MMEL1: variants seen among roughly 807,000 people sequenced by gnomAD.
The protein encoded by MMEL1 is membrane metalloendopeptidase like 1.
A neutral mutation model predicts 117.1 loss-of-function variants in MMEL1; 98 were observed. That is an observed-to-expected ratio of 0.84 (90% CI 0.71 to 0.99). The LOEUF (loss-of-function observed/expected upper bound fraction) is 0.99. Ranked by LOEUF, MMEL1 falls within the 50% of genes least tolerant of loss-of-function variation. The pLI is 0.00. For synonymous variants in MMEL1, 390 were observed against 415.1 expected (o/e 0.94, Z 0.74); for missense variants, 1,014 against 1,049.1 (o/e 0.97, Z 0.46).
chr1:2,624,040 T>C (rs1330285584), intron 2 of MMEL1, among the ~76,000 whole-genome samples: 1 of 152,108 alleles, frequency 6.6e-6, no homozygotes, highest in African/African-American at 2.4e-5. Flanking sequence ...TTGGTTGACA[T>C]GGGGATGTGG....
intron 1 of MMEL1, among the ~76,000 whole-genome samples, chr1:2,630,771 T>G (rs962278165): frequency 2.1e-5 from 3 of 144,476 alleles, no homozygotes; most frequent in African/African-American, 7.8e-5. Context: ...ATTATGTGGA[T>G]ATGCACGTGT....
intron 2 of MMEL1, among the ~76,000 whole-genome samples, chr1:2,615,995 T>C (rs1461826030): frequency 6.6e-6 from 1 of 152,148 alleles, no homozygotes; most frequent in African/African-American, 2.4e-5. Flanking sequence ...TGTGGAGGAC[T>C]AAAGATAAAG....
chr1:2,592,095 G>A lies in MMEL1; in HGVS notation c.2068-68C>T. 3 of 1,357,122 alleles carry A rather than the reference G, an allele frequency of 2.2e-6. No homozygotes were observed. The South Asian group carries it at 3.6e-5, about 16-fold the overall frequency. The allele number at this position is 1,357,122 out of a possible 1,614,324, so 84.1% of individuals were successfully genotyped here. A position where few individuals can be genotyped will look rare whatever the true frequency, so the allele number is the denominator to read the frequency against. ...GGACTCCAGAACCCTCAGATCTCAG[G>A]GCAGAGCAGAGGTCTGGCTCCAGGA... On this transcript the variant is annotated intron_variant, in intron 21 of 23. Coordinates refer to ENST00000378412, the MANE Select transcript of MMEL1 (RefSeq NM_033467.4).
Position 2,606,240 on chromosome 1 carries a change from G to A in MMEL1, c.750+8C>T. The A allele has an allele frequency of 6.2e-7, 1 of 1,610,214 alleles. No homozygotes were observed. Among genetic ancestry groups the A allele is most frequent in the African/African-American group, 1.3e-5 (1 of 74,992 alleles). On this transcript the variant is annotated splice_region_variant and intron_variant, in intron 8 of 23. Coordinates refer to ENST00000378412, the MANE Select transcript of MMEL1 (RefSeq NM_033467.4). ...CTGCCTACCCCTGCCCACCGGCGCG[G>A]CTCGTACGTAGATGATGTGCCGGCT...
chr1:2,612,277 G>A lies in MMEL1; in HGVS notation c.155-73C>T. On this transcript the variant is annotated intron_variant, in intron 2 of 23. Transcript: ENST00000378412. This position sits in a 1 kb window ranked among gnomAD's most constrained non-coding sequence, Gnocchi z 5.4. ...CTGGGGGTGCTGGGGGCCTCCCTGG[G>A]TCAGCACGCCATCTTCCCACAGTGC... 1 of 1,289,128 alleles carries A rather than the reference G, an allele frequency of 7.8e-7. No individual in the cohort carries two copies. The highest frequency in any genetic ancestry group is 2.5e-5 in the East Asian group (1 of 39,768). The allele number at this position is 1,289,128 out of a possible 1,614,324, so 79.9% of individuals were successfully genotyped here. A position where few individuals can be genotyped will look rare whatever the true frequency, so the allele number is the denominator to read the frequency against.
intron 22 of MMEL1, 128 bp from the exon 23 acceptor site, chr1:2,591,761 C>A: frequency 9.7e-7 from 1 of 1,033,346 alleles, no homozygotes; most frequent in Non-Finnish European, 1.5e-6. Flanking sequence ...AGGTGCTCCC[C>A]TCCTCCCATC....
intron 4 of MMEL1, among the ~76,000 whole-genome samples, chr1:2,610,783 T>C (rs1645112925): frequency 6.6e-6 from 1 of 152,150 alleles, no homozygotes; most frequent in Non-Finnish European, 1.5e-5. Context: ...CCACTCCACC[T>C]CTGGGGCTGG....
At chr1:2,594,106 G>T in intron 18 of MMEL1, 173 bp from the exon 19 acceptor site, 2 of 945,892 alleles carry the variant, frequency 2.1e-6, no homozygotes, top group Non-Finnish European at 1.5e-6. Context: ...GGCTGGGCGG[G>T]CTCGTGCCTG....
intron 6 of MMEL1, among the ~76,000 whole-genome samples, chr1:2,608,809 CAT>C (rs1475428057): frequency 6.6e-6 from 1 of 151,894 alleles, no homozygotes; most frequent in East Asian, 1.9e-4. Context: ...TACATATACA[CAT>C]ATACATAACA....
Position 2,592,024 on chromosome 1 carries a change from A to T in MMEL1, c.2071T>A (p.Tyr691Asn). ...CCACCCTCTGCCATCCACTTGAGGTAGGCCTGCAGGCACCAGACAGGAGCT... is the reference window on the plus strand; with the variant it reads ...CCACCCTCTGCCATCCACTTGAGGTTGGCCTGCAGGCACCAGACAGGAGCT... ...NGGVRQAYKA[Y>N]LKWMAEGGKD... The change falls in exon 22 of 24, where the codon TAC becomes AAC. Residue 691 changes from tyrosine (Y) to asparagine (N), a missense_variant. Coordinates refer to ENST00000378412, the MANE Select transcript of MMEL1 (RefSeq NM_033467.4). 2 of 1,612,596 alleles carry T rather than the reference A, an allele frequency of 1.2e-6. No individual in the cohort carries two copies. The highest frequency in any genetic ancestry group is 1.7e-6 in the Non-Finnish European group (2 of 1,179,300).
chr1:2,620,956 T>C (rs893277064), intron 2 of MMEL1, among the ~76,000 whole-genome samples: 2 of 152,122 alleles, frequency 1.3e-5, no homozygotes, highest in African/African-American at 4.8e-5. Flanking sequence ...CCTCTTCCCA[T>C]TGGAATTCAG....
At chr1:2,596,839 C>T (rs2100931572) in intron 13 of MMEL1, 150 bp from the exon 14 acceptor site, 1 of 839,632 alleles carries the variant, frequency 1.2e-6, no homozygotes. Context: ...ATCTCAGCCT[C>T]ACCTCTGGGT....
At chr1:2,614,968 C>A (rs2100953964) in intron 2 of MMEL1, among the ~76,000 whole-genome samples, 1 of 152,152 alleles carries the variant, frequency 6.6e-6, no homozygotes, top group East Asian at 1.9e-4. Flanking sequence ...AAGCAACTGA[C>A]AACTCCCAAT....
chr1:2,606,335 C>A lies in MMEL1; in HGVS notation c.663G>T (p.Ala221=). The change falls in exon 8 of 24, where the codon GCG becomes GCT. Residue 221 remains alanine, a synonymous_variant. Coordinates refer to ENST00000378412, the MANE Select transcript of MMEL1 (RefSeq NM_033467.4). ...GLEWELERQL[A]LMNSQFNRRV... ...GCCTGTTGAACTGTGAGTTCATCAG[C>A]GCCAGCTGCCGCTCCAGCTCCCACT... is the stretch of plus-strand genomic sequence containing the variant. The A allele has an allele frequency of 6.2e-7, 1 of 1,610,994 alleles. No individual in the cohort carries two copies. Among genetic ancestry groups the A allele is most frequent in the Non-Finnish European group, 8.5e-7 (1 of 1,179,478 alleles).
intron 7 of MMEL1, 97 bp downstream of exon 7, chr1:2,606,877 G>A (rs1393645338): frequency 4.5e-6 from 5 of 1,113,612 alleles, no homozygotes; most frequent in Non-Finnish European, 6.6e-6. Context: ...GCTGGGGGTG[G>A]GGGTGGGGTC....
intron 7 of MMEL1, 34 bp downstream of exon 7, chr1:2,606,936 TTGTC>T: frequency 1.3e-6 from 2 of 1,575,016 alleles, no homozygotes; most frequent in Non-Finnish European, 1.7e-6. Flanking sequence ...TGGTCCTCCT[TTGTC>T]TGTCTGTGAG....
chr1:2,606,845 T>C (rs889884965), intron 7 of MMEL1, 129 bp downstream of exon 7: 17 of 844,354 alleles, frequency 2.0e-5, no homozygotes, highest in Non-Finnish European at 2.7e-5. Context: ...GTTGGGCCTC[T>C]TGGGGCTCCT....
chr1:2,609,949 C>T (rs923285677), intron 4 of MMEL1, 118 bp from the exon 5 acceptor site: 5 of 1,119,312 alleles, frequency 4.5e-6, no homozygotes, highest in African/African-American at 3.2e-5. Flanking sequence ...GGCTGCTGTC[C>T]ATCCAGTCGC....
At position 2,598,236 on chromosome 1, in the gene MMEL1, A is replaced by G; in HGVS notation, c.1243T>C (p.Phe415Leu). The G allele has an allele frequency of 6.2e-7, 1 of 1,613,976 alleles. No individual in the cohort carries two copies. The highest frequency in any genetic ancestry group is 8.5e-7 in the Non-Finnish European group (1 of 1,179,976). The change falls in exon 13 of 24, where the codon TTC (phenylalanine) becomes CTC (leucine). Residue 415 changes from phenylalanine (F) to leucine (L), a missense_variant. Coordinates refer to ENST00000378412, the MANE Select transcript of MMEL1 (RefSeq NM_033467.4). ...LDRIGSLSQR[F>L]KDTRVNYRKA... ...CGGTAGTTCACTCGTGTGTCCTTGA[A>G]TCTCTGGCTTAGGCTACCAATGCGG...
Sources: gnomAD v4.1 joint callset for allele counts (sites outside exome capture counted in the v4.1 genomes callset) on GRCh38, gnomAD v4.1.1 for gene constraint, Gnocchi (gnomAD v3.1) non-coding constraint, MANE v1.5 for transcripts, NCBI Gene and HGNC (gene_info 2026-07-23, HGNC 2026-07-21) for gene names.